CYBC1: variants seen among roughly 807,000 people sequenced by gnomAD.
CYBC1 encodes the protein essential for reactive oxygen species protein.
CYBC1 carries 22 observed loss-of-function variants against 21.7 expected under a neutral mutation model. That is an observed-to-expected ratio of 1.02 (90% CI 0.73 to 1.45). The LOEUF is 1.45. Among genes scored for constraint, CYBC1 ranks in the 40% most tolerant of loss-of-function variants. The probability of loss-of-function intolerance (pLI) is 0.00; values close to 1 mark genes in which losing one functional copy is unlikely to be tolerated. For synonymous variants in CYBC1, 112 were observed against 98.7 expected (o/e 1.13, Z -0.80); for missense variants, 237 against 242.1 (o/e 0.98, Z 0.14).
chr17:82,447,382 G>C (rs374637177), intron 3 of CYBC1, 198 bp downstream of exon 3: 3 of 614,058 alleles, frequency 4.9e-6, no homozygotes, highest in South Asian at 1.9e-5. Flanking sequence ...GTGAAATGTG[G>C]GCTGAGCGCT....
At chr17:82,444,289 G>T in intron 6 of CYBC1, 158 bp downstream of exon 6, 1 of 1,427,028 alleles carries the variant, frequency 7.0e-7, no homozygotes, top group Non-Finnish European at 9.4e-7. Context: ...GTCACAGTGG[G>T]GCTGCCCCTG....
In CYBC1 at chr17:82,443,649, C is replaced by T; in HGVS notation, c.*355G>A. The T allele has an allele frequency of 1.3e-6, 1 of 756,020 alleles. No individual in the cohort carries two copies. Among genetic ancestry groups the T allele is most frequent in the South Asian group, 1.4e-5 (1 of 73,444 alleles). The allele number at this position is 756,020 out of a possible 1,614,324, so 46.8% of individuals were successfully genotyped here. On this transcript the variant is annotated 3_prime_UTR_variant, in exon 7 of 7. Coordinates refer to ENST00000306645, the MANE Select transcript of CYBC1 (RefSeq NM_001033046.4). The surrounding 1 kb of genome is among the most constrained non-coding windows in gnomAD (Gnocchi z 6.7). ...CGGCTGCAGAAAGGCAGGCCCAGGC[C>T]TCACGATGGAGAAAGTCTGGATGTC...
At chr17:82,450,566 G>T (rs543447361) in intron 1 of CYBC1, 134 bp downstream of exon 1, 1 of 152,364 alleles carries the variant, frequency 6.6e-6, no homozygotes, top group South Asian at 2.1e-4. Flanking sequence ...CGCCCGCGAC[G>T]GGCACGGCGG....
chr17:82,444,866 G>A (rs912467611), intron 5 of CYBC1: 34 of 462,244 alleles, frequency 7.4e-5, no homozygotes, highest in Middle Eastern at 5.9e-4. Flanking sequence ...GCGGGGACCC[G>A]CTCAGCGCGA....
chr17:82,446,647 A>T lies in CYBC1; in HGVS notation c.177T>A (p.Ala59=), dbSNP rs1465378280. 3 of 1,614,152 alleles carry T rather than the reference A, an allele frequency of 1.9e-6. No individual in the cohort carries two copies. In the South Asian group the frequency reaches 3.3e-5, roughly 18 times the overall value. ...LFYVTGCLFV[A]VQNLEDWEEA... ...CCTCCCAGTCCTCCAAGTTCTGCAC[A>T]GCCACAAACAGGCAGCCTGTGACGT... Residue 59 remains alanine (A), a synonymous_variant, in exon 4 of 7, where the codon GCT becomes GCA. Coordinates refer to ENST00000306645, the MANE Select transcript of CYBC1 (RefSeq NM_001033046.4).
At chr17:82,444,738 C>T (rs1039458528) in intron 5 of CYBC1, 147 bp from the exon 6 acceptor site, 38 of 1,042,016 alleles carry the variant, frequency 3.6e-5, no homozygotes, top group East Asian at 2.8e-4. Context: ...GGCTGGGCCC[C>T]GGAGGACTGC....
At position 82,443,993 on chromosome 17, in the gene CYBC1, C is replaced by G; in HGVS notation, c.*11G>C. 1 of 1,611,850 alleles carries G rather than the reference C, an allele frequency of 6.2e-7. No individual in the cohort carries two copies. Among genetic ancestry groups the G allele is most frequent in the South Asian group, 1.1e-5 (1 of 91,042 alleles). On this transcript the variant is annotated 3_prime_UTR_variant, in exon 7 of 7. Coordinates refer to ENST00000306645, the MANE Select transcript of CYBC1 (RefSeq NM_001033046.4). The surrounding 1 kb of genome is among the most constrained non-coding windows in gnomAD (Gnocchi z 6.7). Reference sequence around the variant, plus strand: ...TGTGGGCGGTGCACGGGCTCAGGCACAGTGGGGCTGTCAGCTCTGGCTTGC... The same window carrying G: ...TGTGGGCGGTGCACGGGCTCAGGCAGAGTGGGGCTGTCAGCTCTGGCTTGC...
Position 82,443,536 on chromosome 17 carries a change from C to T in CYBC1, c.*468G>A, listed in dbSNP as rs1347892858. 2 of 701,156 alleles carry T rather than the reference C, an allele frequency of 2.9e-6. No homozygotes were observed. Among genetic ancestry groups the T allele is most frequent in the East Asian group, 2.7e-5 (1 of 37,258 alleles). The allele number at this position is 701,156 out of a possible 1,614,324, so 43.4% of individuals were successfully genotyped here. On this transcript the variant is annotated 3_prime_UTR_variant, in exon 7 of 7. Coordinates refer to ENST00000306645, the MANE Select transcript of CYBC1 (RefSeq NM_001033046.4). The surrounding 1 kb of genome is among the most constrained non-coding windows in gnomAD (Gnocchi z 6.7). The stretch of plus-strand genomic sequence containing the variant: ...TCGGGGACAACATGCAGCATCAGCA[C>T]CCACAAGGGCCCGGCCTGGCCCCGC...
In CYBC1 at chr17:82,449,200, G is replaced by A. The variant is rs1181986815; in HGVS notation, c.55C>T (p.Pro19Ser). Residue 19 changes from proline to serine, a missense_variant, in exon 2 of 7, where the codon CCA becomes TCA. Transcript: ENST00000306645. ...AGCAGGGACCAGGACCGGATGCCTG[G>A]AGCCCTCTTCAGATGGAGGCGGGAG... ...TSSRLHLKRA[P>S]GIRSWSLLVG... 6.3e-7 allele frequency: 1 copy of A among 1,583,262 alleles called. No individual in the cohort carries two copies. Among genetic ancestry groups the A allele is most frequent in the African/African-American group, 1.3e-5 (1 of 74,294 alleles).
Position 82,446,594 on chromosome 17 carries a change from A to C in CYBC1, c.201+29T>G, listed in dbSNP as rs1025032580. ...AAACCCAGGAGCTGAACAGCCCTGG[A>C]CTCTGTCCCGCACCCGAGCCGGCCT... is the stretch of plus-strand genomic sequence containing the variant. On this transcript the variant is annotated intron_variant, in intron 4 of 6. Coordinates refer to ENST00000306645, the MANE Select transcript of CYBC1 (RefSeq NM_001033046.4). 2 of 1,610,520 alleles carry C rather than the reference A, an allele frequency of 1.2e-6. 1 individual carries two copies. Among genetic ancestry groups the C allele is most frequent in the African/African-American group, 2.7e-5 (2 of 74,790 alleles).
chr17:82,447,659 G>C, intron 2 of CYBC1, 38 bp from the exon 3 acceptor site: 1 of 1,563,070 alleles, frequency 6.4e-7, no homozygotes, highest in Non-Finnish European at 8.7e-7. Context: ...ATTGATCCCG[G>C]TAAGACCCCA....
chr17:82,448,060 A>G (rs149211169), intron 2 of CYBC1: 144 of 244,748 alleles, frequency 5.9e-4, no homozygotes, highest in African/African-American at 3.2e-3. Context: ...ACTGTGCACA[A>G]AGAAATTACA....
intron 5 of CYBC1, chr17:82,445,610 T>C: frequency 2.4e-6 from 1 of 419,380 alleles, no homozygotes; most frequent in Non-Finnish European, 4.3e-6. Flanking sequence ...AGACCCCTGC[T>C]CCTCCCACTC....
chr17:82,449,719 G>C (rs951188156), intron 1 of CYBC1: 1 of 157,834 alleles, frequency 6.3e-6, no homozygotes, highest in Non-Finnish European at 1.4e-5. Flanking sequence ...GCTTCCGGCC[G>C]TACTGGCTCT....
In CYBC1 at chr17:82,445,946, G is replaced by A. The variant is rs202161002; in HGVS notation, c.216C>T (p.Asp72=). ...TCAAAACAACCTTCCCTGTGCTCTT[G>A]TCGAAGATGGCTTCCTGGAAACCGA... ...NLEDWEEAIF[D]KSTGKVVLKT... is the part of the protein sequence containing the mutation. Residue 72 remains aspartate, a synonymous_variant, in exon 5 of 7, where the codon GAC becomes GAT. Coordinates refer to ENST00000306645, the MANE Select transcript of CYBC1 (RefSeq NM_001033046.4). 13 of 1,613,766 alleles carry A rather than the reference G, an allele frequency of 8.1e-6. No homozygotes were observed. Among genetic ancestry groups the A allele is most frequent in the Non-Finnish European group, 1.1e-5 (13 of 1,179,798 alleles).
chr17:82,449,219 G>A lies in CYBC1; in HGVS notation c.36C>T (p.Arg12=). 2 of 1,581,688 alleles carry A rather than the reference G, an allele frequency of 1.3e-6. No homozygotes were observed. Among genetic ancestry groups the A allele is most frequent in the Non-Finnish European group, 1.7e-6 (2 of 1,164,066 alleles). The change falls in exon 2 of 7, where the codon CGC becomes CGT. Residue 12 remains arginine, a synonymous_variant. Transcript: ENST00000306645. ...YLQVETRTSS[R]LHLKRAPGIR... is the part of the protein sequence containing the mutation. ...TGCCTGGAGCCCTCTTCAGATGGAG[G>A]CGGGAGCTGGTGCGGGTCTCCACCT...
intron 5 of CYBC1, 157 bp from the exon 6 acceptor site, chr17:82,444,748 C>G: frequency 1.0e-6 from 1 of 958,430 alleles, no homozygotes; most frequent in Non-Finnish European, 1.5e-6. Context: ...CGGAGGACTG[C>G]TGTGGCCCTG....
intron 4 of CYBC1, among the ~76,000 whole-genome samples, 167 bp from the exon 5 acceptor site, chr17:82,446,127 G>C (rs1342509291): frequency 1.3e-5 from 2 of 152,226 alleles, no homozygotes; most frequent in African/African-American, 4.8e-5. Flanking sequence ...CTCTGTCAGA[G>C]CCGGATATCG....
intron 5 of CYBC1, 172 bp downstream of exon 5, chr17:82,445,692 G>A (rs1043725653): frequency 1.1e-5 from 6 of 564,968 alleles, no homozygotes; most frequent in African/African-American, 3.8e-5. Context: ...CAGGTGGGGC[G>A]TATCCGTGGG....
Sources: allele counts gnomAD v4.1 joint callset (sites outside exome capture counted in the v4.1 genomes callset), GRCh38; gene constraint gnomAD v4.1.1; non-coding constraint Gnocchi (gnomAD v3.1); transcripts MANE v1.5; gene names NCBI Gene and HGNC (gene_info 2026-07-23, HGNC 2026-07-21).